The following POLI variants were observed in gnomAD, a reference collection of about 807,000 sequenced individuals.
The protein encoded by POLI is RAD30 homolog B.
POLI carries 58 observed loss-of-function variants against 51.6 expected under a neutral mutation model. The ratio of observed to expected loss-of-function variants is 1.12; its 90% CI spans 0.91 to 1.40. The LOEUF (loss-of-function observed/expected upper bound fraction) is 1.40, where lower values mean the gene tolerates loss of function less well. Ranked by LOEUF, POLI falls within the 40% of genes most tolerant of loss-of-function variation. POLI has a pLI of 0.00. For missense variants in POLI, 921 were observed against 871.3 expected, an observed-to-expected ratio of 1.06 and a Z score of -0.72; for synonymous variants, 322 against 299.7, an observed-to-expected ratio of 1.07 and a Z score of -0.77.
At chr18:54,285,550 G>A (rs1468689347) in intron 7 of POLI, among the ~76,000 whole-genome samples, 3 of 146,276 alleles carry the variant, frequency 2.1e-5, no homozygotes, top group Non-Finnish European at 4.5e-5. Flanking sequence ...GTGTGTGTGT[G>A]TGTGTATTTG....
At chr18:54,270,081 G>T in intron 1 of POLI, 3 of 978,598 alleles carry the variant, frequency 3.1e-6, no homozygotes, top group Non-Finnish European at 3.6e-6. Context: ...TCAGAACCTA[G>T]GCGGAGTCAG....
At chr18:54,280,550 G>C (rs1284148934) in intron 4 of POLI, 117 bp from the exon 5 acceptor site, 1 of 657,126 alleles carries the variant, frequency 1.5e-6, no homozygotes, top group Non-Finnish European at 2.7e-6. Flanking sequence ...TGATGGTGGT[G>C]GTTGTGGTGG....
intron 5 of POLI, 135 bp downstream of exon 5, chr18:54,281,038 A>G: frequency 4.0e-6 from 2 of 495,634 alleles, no homozygotes; most frequent in South Asian, 8.0e-5. Flanking sequence ...GTGTGTGTAT[A>G]CTTGGTTCCT....
rs763935888 is a variant in POLI, at chr18:54,269,545, G to T, written c.-2G>T. Reference sequence around the variant, plus strand: ...AGTAGCGCTGCGGTTGGCAGCGGCGGGATGGAGAAGCTGGGGGTGGAGCCG... The same window carrying T: ...AGTAGCGCTGCGGTTGGCAGCGGCGTGATGGAGAAGCTGGGGGTGGAGCCG... On this transcript the variant is annotated 5_prime_UTR_variant, in exon 1 of 10. Transcript: ENST00000579534. 30 of 1,509,300 alleles carry T rather than the reference G, an allele frequency of 2.0e-5. No homozygotes were observed. The Admixed American group carries it at 7.1e-4, about 36-fold the overall frequency. 93.5% of individuals were successfully genotyped at this position (1,509,300 alleles called of 1,614,324 possible).
At position 54,295,472 on chromosome 18, in the gene POLI, TA is replaced by T; in HGVS notation, c.*1008del. The T allele has an allele frequency of 3.1e-6, 3 of 962,194 alleles. No homozygotes were observed. The highest frequency in any genetic ancestry group is 3.7e-6 in the Non-Finnish European group (3 of 808,744). The allele number at this position is 962,194 out of a possible 1,614,324, so 59.6% of individuals were successfully genotyped here. A position where few individuals can be genotyped will look rare whatever the true frequency, so the allele number is the denominator to read the frequency against. On this transcript the variant is annotated 3_prime_UTR_variant, in exon 10 of 10. Coordinates refer to ENST00000579534, the MANE Select transcript of POLI (RefSeq NM_007195.3). ...CATAGAGGATGTTTATAGAATATAC[TA>T]AAGTATCCCTCAGCACCAATATGGG... is the stretch of plus-strand genomic sequence containing the variant.
chr18:54,313,565 A>G (rs1417905861), intron 3 of POLI, among the ~76,000 whole-genome samples: 9 of 152,206 alleles, frequency 5.9e-5, no homozygotes, highest in Non-Finnish European at 7.3e-5. Flanking sequence ...TTTTAATGAT[A>G]TTCATTCATC....
In POLI at chr18:54,294,224, A is replaced by G. The variant is rs541189249; in HGVS notation, c.1980A>G (p.Pro660=). ...NPAVSAFHSF[P]NLQSEQLFSR... is the part of the protein sequence containing the mutation. Reference sequence around the variant, plus strand: ...CTGTGTCTGCTTTTCATTCATTTCCAAACTTGCAGAGTGAGCAACTTTTCT... The same window carrying G: ...CTGTGTCTGCTTTTCATTCATTTCCGAACTTGCAGAGTGAGCAACTTTTCT... The change falls in exon 10 of 10, where the codon CCA becomes CCG. Residue 660 remains proline (P), a synonymous_variant. Transcript: ENST00000579534. The G allele has an allele frequency of 2.7e-5, 43 of 1,613,702 alleles. No homozygotes were observed. Among genetic ancestry groups the G allele is most frequent in the Non-Finnish European group, 3.4e-5 (40 of 1,179,704 alleles).
Position 54,297,231 on chromosome 18 carries a change from G to C in POLI, c.*2764G>C. The C allele has an allele frequency of 1.0e-6, 1 of 985,036 alleles. No homozygotes were observed. Among genetic ancestry groups the C allele is most frequent in the Non-Finnish European group, 1.2e-6 (1 of 829,882 alleles). 61.0% of individuals were successfully genotyped at this position (985,036 alleles called of 1,614,324 possible). On this transcript the variant is annotated 3_prime_UTR_variant, in exon 10 of 10. Transcript: ENST00000579534. The stretch of plus-strand genomic sequence containing the variant: ...GGGATAAACCCCATCTTTCAAGCTT[G>C]CTTCTTGCTTGATGCTTTCTGCTGC...
intron 8 of POLI, among the ~76,000 whole-genome samples, chr18:54,290,615 G>A (rs990147491): frequency 2.0e-5 from 3 of 152,120 alleles, no homozygotes; most frequent in Non-Finnish European, 2.9e-5. Flanking sequence ...TAAAGAAAAC[G>A]TGTCACATAT....
At chr18:54,283,894 C>T (rs1451384426) in intron 6 of POLI, 28 bp from the exon 7 acceptor site, 2 of 833,310 alleles carry the variant, frequency 2.4e-6, no homozygotes, top group East Asian at 5.1e-5. Context: ...TGAGTTTGTG[C>T]TAATCCTTAT....
intron 2 of POLI, among the ~76,000 whole-genome samples, chr18:54,273,093 A>G (rs1261124035): frequency 1.3e-5 from 2 of 152,090 alleles, no homozygotes; most frequent in Non-Finnish European, 2.9e-5. Flanking sequence ...CAAGTAGTCA[A>G]CTTGTATAAA....
chr18:54,286,536 T>G (rs1046925926), intron 7 of POLI, among the ~76,000 whole-genome samples: 1 of 149,858 alleles, frequency 6.7e-6, no homozygotes, highest in Non-Finnish European at 1.5e-5. Context: ...AAAAAAATCT[T>G]TTTTTTGGTA....
chr18:54,283,177 A>G (rs2087594220), intron 6 of POLI, among the ~76,000 whole-genome samples, 162 bp downstream of exon 6: 1 of 152,190 alleles, frequency 6.6e-6, no homozygotes, highest in Non-Finnish European at 1.5e-5. Flanking sequence ...ATTAATAAGT[A>G]TTCTTAAATG....
intron 8 of POLI, chr18:54,287,639 G>A (rs2087810184): frequency 6.2e-6 from 2 of 323,966 alleles, no homozygotes; most frequent in African/African-American, 4.3e-5. Flanking sequence ...AAGTGCAGTG[G>A]TGCTGTGATA....
intron 8 of POLI, among the ~76,000 whole-genome samples, chr18:54,290,050 A>G (rs2087930631): frequency 6.6e-6 from 1 of 152,230 alleles, no homozygotes; most frequent in Non-Finnish European, 1.5e-5. Context: ...CAACCTACAG[A>G]ATGGGAGAAA....
At position 54,295,322 on chromosome 18, in the gene POLI, C is replaced by T. The variant is rs2088268808; in HGVS notation, c.*855C>T. ...GATGATATTAGGTTGTCATAACAACCACAAATATAGACCATTACTAAATTG... is the reference window on the plus strand; with the variant it reads ...GATGATATTAGGTTGTCATAACAACTACAAATATAGACCATTACTAAATTG... On this transcript the variant is annotated 3_prime_UTR_variant, in exon 10 of 10. Transcript: ENST00000579534. The T allele has an allele frequency of 1.0e-6, 1 of 984,614 alleles. No individual in the cohort carries two copies. Among genetic ancestry groups the T allele is most frequent in the Non-Finnish European group, 1.2e-6 (1 of 829,332 alleles). The allele number at this position is 984,614 out of a possible 1,614,324, so 61.0% of individuals were successfully genotyped here. A position where few individuals can be genotyped will look rare whatever the true frequency, so the allele number is the denominator to read the frequency against.
At chr18:54,308,178 G>A (rs1424483156) in intron 3 of POLI, among the ~76,000 whole-genome samples, 2 of 152,090 alleles carry the variant, frequency 1.3e-5, no homozygotes, top group East Asian at 1.9e-4. Context: ...TCCTAGCCTC[G>A]ATGGTCTTTA....
chr18:54,289,617 C>T (rs3730793), intron 8 of POLI, among the ~76,000 whole-genome samples: 20,969 of 124,012 alleles, frequency 0.17, 2,433 homozygotes, highest in Non-Finnish European at 0.21. Flanking sequence ...ATGGTACTGG[C>T]AGAAAAACAG....
rs1599258048 is a variant in POLI, at chr18:54,296,437, C to G, written c.*1970C>G. 1.1e-6 allele frequency: 1 copy of G among 879,606 alleles called. No individual in the cohort carries two copies. Among genetic ancestry groups the G allele is most frequent in the Non-Finnish European group, 1.4e-6 (1 of 733,370 alleles). 54.5% of individuals were successfully genotyped at this position (879,606 alleles called of 1,614,324 possible). ...TTTTTCTCTGTTTTTAAGATTATCT[C>G]TTTTTTCTTTGGTGCTTTGCAGGTT... On this transcript the variant is annotated 3_prime_UTR_variant, in exon 10 of 10. Coordinates refer to ENST00000579534, the MANE Select transcript of POLI (RefSeq NM_007195.3).
Sources: gnomAD v4.1 joint callset for allele counts (sites outside exome capture counted in the v4.1 genomes callset) on GRCh38, gnomAD v4.1.1 for gene constraint, MANE v1.5 for transcripts, NCBI Gene and HGNC (gene_info 2026-07-23, HGNC 2026-07-21) for gene names.